The following BARD1 variants were observed in gnomAD, a reference collection of about 807,000 sequenced individuals.
BARD1 encodes BRCA1-associated RING domain protein 1.
BARD1 carries 73 observed loss-of-function variants against 77.0 expected under a neutral mutation model. The observed-to-expected ratio is 0.95, with a 90% CI of 0.79 to 1.15. BARD1 has a LOEUF of 1.15. Ranked by LOEUF, BARD1 falls within the 50% of genes most tolerant of loss-of-function variation. The pLI, the probability that BARD1 is intolerant of heterozygous loss-of-function variation, is 0.00. For synonymous variants in BARD1, 384 were observed against 338.0 expected, an observed-to-expected ratio of 1.14 and a Z score of -1.49; for missense variants, 993 against 938.8, an observed-to-expected ratio of 1.06 and a Z score of -0.75.
In BARD1 at chr2:214,781,168, T is replaced by C. The variant is rs1695000597; in HGVS notation, c.706A>G (p.Lys236Glu). The stretch of plus-strand genomic sequence containing the variant: ...CTACAGAAGGATACCAGCTTTTGCT[T>C]AGATTCCTCTTTGGAGTCAAATTCA... ...DGEFDSKEES[K>E]QKLVSFCSQP... Residue 236 changes from lysine to glutamate, a missense_variant, in exon 4 of 11, where the codon AAG becomes GAG. Coordinates refer to ENST00000260947, the MANE Select transcript of BARD1 (RefSeq NM_000465.4). 6.3e-7 allele frequency: 1 copy of C among 1,580,578 alleles called. No homozygotes were observed. The highest frequency in any genetic ancestry group is 1.2e-5 in the South Asian group (1 of 83,656).
intron 2 of BARD1, among the ~76,000 whole-genome samples, chr2:214,796,178 T>C (rs1361868858): frequency 6.6e-6 from 1 of 152,200 alleles, no homozygotes; most frequent in East Asian, 1.9e-4. Context: ...ATCTCTCAAC[T>C]GATTTCTCCT....
Position 214,770,950 on chromosome 2 carries a change from A to G in BARD1, c.1315-1638T>C, listed in dbSNP as rs570932352. ...ATCTGACATCTATCATTTATATTTA[A>G]TTACATATTACGTTTTAAGTATCCG... On this transcript the variant is annotated intron_variant, in intron 4 of 10. Transcript: ENST00000260947. Among the ~76,000 whole-genome samples the G allele has an allele frequency of 2.2e-3, 339 of 152,330 alleles. 1 individual carries two copies. Among genetic ancestry groups the G allele is most frequent in the Admixed American group, 3.2e-3 (49 of 15,300 alleles).
chr2:214,782,388 G>T (rs1695082810), intron 3 of BARD1, among the ~76,000 whole-genome samples: 2 of 151,894 alleles, frequency 1.3e-5, no homozygotes, highest in African/African-American at 4.8e-5. Context: ...GCACAAGAGG[G>T]GCTTCCAGAG....
At chr2:214,748,877 C>CACTT (rs3046934) in intron 7 of BARD1, among the ~76,000 whole-genome samples, 121,109 of 151,480 alleles carry the variant, frequency 0.8, 48,504 homozygotes, top group East Asian at 0.91. Context: ...ATTCAGCACA[C>CACTT]ACTGAACACT....
intron 4 of BARD1, among the ~76,000 whole-genome samples, chr2:214,772,471 G>C (rs1416910533): frequency 6.6e-6 from 1 of 151,972 alleles, no homozygotes; most frequent in Non-Finnish European, 1.5e-5. Flanking sequence ...TATTAAAGAA[G>C]CTTAAAAAAT....
chr2:214,809,649 A>G lies in BARD1; in HGVS notation c.-80T>C, dbSNP rs1035529353. The G allele has an allele frequency of 2.0e-6, 3 of 1,495,308 alleles. No individual in the cohort carries two copies. Among genetic ancestry groups the G allele is most frequent in the Non-Finnish European group, 2.7e-6 (3 of 1,114,116 alleles). The allele number at this position is 1,495,308 out of a possible 1,614,324, so 92.6% of individuals were successfully genotyped here. Reference sequence around the variant, plus strand: ...GGAAACCACAGGGAAGCTGCAGGCCAGCGACTCGAAACCGGCCAAGCTCTT... The same window carrying G: ...GGAAACCACAGGGAAGCTGCAGGCCGGCGACTCGAAACCGGCCAAGCTCTT... On this transcript the variant is annotated 5_prime_UTR_variant, in exon 1 of 11. Coordinates refer to ENST00000260947, the MANE Select transcript of BARD1 (RefSeq NM_000465.4).
chr2:214,783,202 AC>A (rs1490994143), intron 3 of BARD1, among the ~76,000 whole-genome samples: 1 of 152,098 alleles, frequency 6.6e-6, no homozygotes, highest in Non-Finnish European at 1.5e-5. Context: ...TCTGCATTTG[AC>A]CAAAAAAAAT....
In BARD1 at chr2:214,725,893, C is replaced by T; in HGVS notation, c.*2783G>A. 4.5e-6 allele frequency: 1 copy of T among 224,682 alleles called. No homozygotes were observed. The highest frequency in any genetic ancestry group is 6.4e-5 in the East Asian group (1 of 15,566). 13.9% of individuals were successfully genotyped at this position (224,682 alleles called of 1,614,324 possible). A position where few individuals can be genotyped will look rare whatever the true frequency, so the allele number is the denominator to read the frequency against. ...TTTAGAATATGATTAATGCATTTTCCACACTGACCCATGGAAACAATAACA... is the reference window on the plus strand; with the variant it reads ...TTTAGAATATGATTAATGCATTTTCTACACTGACCCATGGAAACAATAACA... On this transcript the variant is annotated 3_prime_UTR_variant, in exon 11 of 11. Transcript: ENST00000260947.
At chr2:214,745,693 C>T (rs2106020420) in intron 8 of BARD1, 29 bp downstream of exon 8, 1 of 1,613,396 alleles carries the variant, frequency 6.2e-7, no homozygotes, top group Non-Finnish European at 8.5e-7. Context: ...ATTTTTTCTA[C>T]CCCACCTCCC....
intron 1 of BARD1, among the ~76,000 whole-genome samples, chr2:214,802,066 G>A (rs1384231177): frequency 1.4e-4 from 21 of 152,080 alleles, no homozygotes. Context: ...GCCCAGGCTT[G>A]AAAACTAAAT....
At chr2:214,809,122 G>A (rs756831515) in intron 1 of BARD1, among the ~76,000 whole-genome samples, 5 of 152,202 alleles carry the variant, frequency 3.3e-5, no homozygotes, top group Non-Finnish European at 7.3e-5. Flanking sequence ...CGACCGGGAT[G>A]AACATTTTTT....
chr2:214,779,312 C>T (rs1352525257), intron 4 of BARD1, among the ~76,000 whole-genome samples: 1 of 152,188 alleles, frequency 6.6e-6, no homozygotes, highest in Non-Finnish European at 1.5e-5. Flanking sequence ...CTCCAGTATA[C>T]TTTAAATCAT....
rs760144724 is a variant in BARD1 at position 214,752,536 on chromosome 2, G to A, written c.1588C>T (p.Pro530Ser). The change falls in exon 7 of 11, where the codon CCT (proline) becomes TCT (serine). Residue 530 changes from proline to serine, a missense_variant. Transcript: ENST00000260947. ...CTTTCATCATCTGTATAATCGACAG[G>A]CCGCAGACCAAATATATTACTGGTA... ...RNAVNIFGLR[P>S]VDYTDDESMK... is the part of the protein sequence containing the mutation. The A allele has an allele frequency of 6.2e-7, 1 of 1,613,440 alleles. No homozygotes were observed. Among genetic ancestry groups the A allele is most frequent in the Admixed American group, 1.7e-5 (1 of 60,006 alleles).
At chr2:214,766,128 C>G (rs1694183998) in intron 6 of BARD1, among the ~76,000 whole-genome samples, 1 of 152,042 alleles carries the variant, frequency 6.6e-6, no homozygotes, top group Non-Finnish European at 1.5e-5. Flanking sequence ...GAGACATGAA[C>G]CAAGTTACAG....
intron 1 of BARD1, among the ~76,000 whole-genome samples, chr2:214,807,604 G>T (rs1696332261): frequency 6.6e-6 from 1 of 152,106 alleles, no homozygotes; most frequent in Non-Finnish European, 1.5e-5. Context: ...TTTATTGTCT[G>T]CTTTGTTCAC....
In BARD1 at chr2:214,780,714, A is replaced by C. The variant is rs776631398; in HGVS notation, c.1160T>G (p.Phe387Cys). The part of the protein sequence containing the change: ...GRKNSNMSDE[F>C]ISLSPGTPPS... ...TGGTGTACCTGGTGAAAGACTAATGAATTCATCGGACATGTTACTGTTTTT... is the reference window on the plus strand; with the variant it reads ...TGGTGTACCTGGTGAAAGACTAATGCATTCATCGGACATGTTACTGTTTTT... The change falls in exon 4 of 11, where the codon TTC becomes TGC. Residue 387 changes from phenylalanine to cysteine, a missense_variant. Physicochemically the swap from Phe to Cys is radical, Grantham distance 205. Transcript: ENST00000260947. 6 of 1,613,954 alleles carry C rather than the reference A, an allele frequency of 3.7e-6. No individual in the cohort carries two copies. The East Asian group carries it at 8.9e-5, about 24-fold the overall frequency.
At chr2:214,789,428 G>A (rs190745501) in intron 3 of BARD1, among the ~76,000 whole-genome samples, 230 of 151,558 alleles carry the variant, frequency 1.5e-3, no homozygotes, top group African/African-American at 4.9e-3. Flanking sequence ...GCCTGTAGTC[G>A]TAGCTACTTG....
intron 6 of BARD1, among the ~76,000 whole-genome samples, chr2:214,755,537 T>C (rs1693654668): frequency 6.6e-6 from 1 of 152,178 alleles, no homozygotes; most frequent in South Asian, 2.1e-4. Context: ...TGATAAAGTA[T>C]AAACCCAAAC....
chr2:214,795,694 A>G (rs1695726048), intron 2 of BARD1, among the ~76,000 whole-genome samples: 1 of 152,182 alleles, frequency 6.6e-6, no homozygotes, highest in Non-Finnish European at 1.5e-5. Context: ...AAGATTCAGG[A>G]CACATTTTGA....
Sources: gnomAD v4.1 joint callset for allele counts (sites outside exome capture counted in the v4.1 genomes callset) on GRCh38, gnomAD v4.1.1 for gene constraint, MANE v1.5 for transcripts, NCBI Gene and HGNC (gene_info 2026-07-23, HGNC 2026-07-21) for gene names.